Variants in HIVEP1 observed in about 807,000 individuals in gnomAD.
HIVEP1 encodes zinc finger protein 40.
Under a neutral mutation model 180.0 loss-of-function variants are expected in HIVEP1, and 36 were observed. That is an observed-to-expected ratio of 0.20 (90% CI 0.15 to 0.26). HIVEP1 has a LOEUF of 0.26. HIVEP1 is among the 10% of genes least tolerant of loss of function. HIVEP1 has a pLI of 1.00. For synonymous variants in HIVEP1, 1,239 were observed against 1,239.0 expected (o/e 1.00, Z 0.00); for missense variants, 3,143 against 3,268.7 (o/e 0.96, Z 0.94).
At chr6:12,039,527 T>C (rs574405466) in intron 2 of HIVEP1, among the ~76,000 whole-genome samples, 18 of 152,296 alleles carry the variant, frequency 1.2e-4, no homozygotes, top group Admixed American at 5.9e-4. Context: ...TGTCCTTACC[T>C]TCAGTTCCAG....
chr6:12,143,996 C>T (rs1272617587), intron 7 of HIVEP1, among the ~76,000 whole-genome samples: 1 of 152,154 alleles, frequency 6.6e-6, no homozygotes, highest in Non-Finnish European at 1.5e-5. Context: ...ATCAAGCTAC[C>T]AATGACTTTC....
intron 2 of HIVEP1, among the ~76,000 whole-genome samples, chr6:12,060,732 G>A (rs1366846951): frequency 6.6e-6 from 1 of 152,194 alleles, no homozygotes; most frequent in Non-Finnish European, 1.5e-5. Flanking sequence ...GTCATGTTAT[G>A]TAAGTGGTCA....
At chr6:12,203,384 G>C in the HIVEP1 span, among the ~76,000 whole-genome samples, 1 of 152,246 alleles carries the variant, frequency 6.6e-6, no homozygotes, top group Admixed American at 6.5e-5. Context: ...CACCAGTGAA[G>C]AGTGGCAGTC....
At chr6:12,150,008 T>C (rs1759607759) in intron 7 of HIVEP1, among the ~76,000 whole-genome samples, 1 of 152,230 alleles carries the variant, frequency 6.6e-6, no homozygotes, top group Non-Finnish European at 1.5e-5. Flanking sequence ...TTGCGTTTAA[T>C]GAAGCAGGAG....
At chr6:12,109,236 G>T (rs183180295) in intron 3 of HIVEP1, among the ~76,000 whole-genome samples, 1,764 of 151,948 alleles carry the variant, frequency 0.012, 33 homozygotes, top group African/African-American at 0.04. Context: ...CTCGTGTTCC[G>T]CCCGCCTCAG....
intron 2 of HIVEP1, among the ~76,000 whole-genome samples, chr6:12,066,933 A>G (rs1294896086): frequency 6.6e-6 from 1 of 152,096 alleles, no homozygotes; most frequent in Non-Finnish European, 1.5e-5. Context: ...TACATACAAA[A>G]TATATGTACT....
the HIVEP1 span, among the ~76,000 whole-genome samples, chr6:12,172,563 TAAAC>T: frequency 2.6e-5 from 4 of 152,348 alleles, no homozygotes; most frequent in African/African-American, 7.2e-5. Flanking sequence ...TTTTCTTACT[TAAAC>T]TAACAAGATA....
chr6:12,201,292 C>T, the HIVEP1 span, among the ~76,000 whole-genome samples: 1 of 152,144 alleles, frequency 6.6e-6, no homozygotes, highest in Admixed American at 6.5e-5. Flanking sequence ...GCCTGGGCAA[C>T]ATGGGGAAAC....
chr6:12,184,546 T>G, the HIVEP1 span, among the ~76,000 whole-genome samples: 1 of 152,356 alleles, frequency 6.6e-6, no homozygotes, highest in East Asian at 1.9e-4. Context: ...ATGTTTGCAT[T>G]TTAATTTCAT....
At chr6:12,178,342 A>G in the HIVEP1 span, among the ~76,000 whole-genome samples, 1 of 152,186 alleles carries the variant, frequency 6.6e-6, no homozygotes, top group Non-Finnish European at 1.5e-5. Context: ...TAATTCCAAC[A>G]CTTTGAGAGA....
chr6:12,046,431 T>A (rs577205795), intron 2 of HIVEP1, among the ~76,000 whole-genome samples: 17 of 152,170 alleles, frequency 1.1e-4, no homozygotes, highest in African/African-American at 3.4e-4. Flanking sequence ...CCTATAGAAA[T>A]GAGAAGCTGC....
chr6:12,169,182 C>T (rs12664121), downstream of HIVEP1, among the ~76,000 whole-genome samples: 33,183 of 151,952 alleles, frequency 0.22, 4,047 homozygotes, highest in East Asian at 0.47. Context: ...CCACTGTGCC[C>T]GGTAAATGCA....
chr6:12,067,499 AT>A (rs113213888), intron 2 of HIVEP1, among the ~76,000 whole-genome samples: 22,687 of 150,338 alleles, frequency 0.15, 2,225 homozygotes, highest in Non-Finnish European at 0.22. Flanking sequence ...TTGAGCTTGG[AT>A]TTTTTTTTTA....
chr6:12,169,404 T>C (rs1436688621), downstream of HIVEP1, among the ~76,000 whole-genome samples: 1 of 152,146 alleles, frequency 6.6e-6, no homozygotes, highest in East Asian at 1.9e-4. Context: ...TGCTCCTAGG[T>C]GTTCACTGTC....
rs564408964 is a variant in HIVEP1 at position 12,105,793 on chromosome 6, C to G, written c.95-14097C>G. ...TTGCTTAGAAAGTGTAATCCCAGCC[C>G]AAGGTGAGCTAAATATTTATTCCTA... On this transcript the variant is annotated intron_variant, in intron 3 of 8. Transcript: ENST00000379388. Among the ~76,000 whole-genome samples the G allele has an allele frequency of 3.3e-5, 5 of 152,122 alleles. No homozygotes were observed. The East Asian group carries it at 9.7e-4, about 29-fold the overall frequency.
At chr6:12,039,072 A>G (rs1481797204) in intron 2 of HIVEP1, 2 of 150,900 alleles carry the variant, frequency 1.3e-5, no homozygotes, top group Non-Finnish European at 3.0e-5. Flanking sequence ...ATTACTTACC[A>G]CTTTTTGATC....
intron 2 of HIVEP1, among the ~76,000 whole-genome samples, chr6:12,017,213 ATGTT>A (rs1056876590): frequency 1.3e-5 from 2 of 151,436 alleles, no homozygotes; most frequent in Non-Finnish European, 3.0e-5. Flanking sequence ...AACTCAGCAC[ATGTT>A]TGTTACTGTG....
At chr6:12,099,358 G>A (rs1039642042) in intron 3 of HIVEP1, among the ~76,000 whole-genome samples, 2 of 151,912 alleles carry the variant, frequency 1.3e-5, no homozygotes, top group South Asian at 4.2e-4. Context: ...AGTAGAGACG[G>A]GGTTTCACCG....
At chr6:12,066,764 G>A (rs1581615170) in intron 2 of HIVEP1, among the ~76,000 whole-genome samples, 1 of 152,112 alleles carries the variant, frequency 6.6e-6, no homozygotes, top group East Asian at 1.9e-4. Flanking sequence ...TATTATCATT[G>A]TCTTCTCTGA....
Sources: gnomAD v4.1 joint callset for allele counts (sites outside exome capture counted in the v4.1 genomes callset) on GRCh38, gnomAD v4.1.1 for gene constraint, MANE v1.5 for transcripts, NCBI Gene and HGNC (gene_info 2026-07-23, HGNC 2026-07-21) for gene names.